The following TRIM14 variants were observed in gnomAD, a reference collection of about 807,000 sequenced individuals.
The protein encoded by TRIM14 is tripartite motif-containing protein 14.
In TRIM14, 28 loss-of-function variants were observed where a neutral mutation model predicts 44.5. The ratio of observed to expected loss-of-function variants is 0.63; its 90% CI spans 0.47 to 0.86. The LOEUF is 0.86. Among genes scored for constraint, TRIM14 ranks in the 40% least tolerant of loss-of-function variants. TRIM14 has a pLI of 0.00. For missense variants in TRIM14, 607 were observed against 611.1 expected, an observed-to-expected ratio of 0.99 and a Z score of 0.07; for synonymous variants, 299 against 269.2, an observed-to-expected ratio of 1.11 and a Z score of -1.08.
At chr9:98,038,349 G>A in the TRIM14 span, among the ~76,000 whole-genome samples, 1 of 152,062 alleles carries the variant, frequency 6.6e-6, no homozygotes, top group Non-Finnish European at 1.5e-5. Context: ...ACCAAGCCCG[G>A]CCTAATTTAT....
intron 6 of TRIM14, among the ~76,000 whole-genome samples, chr9:98,073,007 A>T (rs1280891520): frequency 2.0e-5 from 3 of 152,226 alleles, no homozygotes; most frequent in African/African-American, 7.2e-5. Context: ...TGTGGAACTC[A>T]GGTGAAACAG....
At chr9:98,080,901 T>C, downstream of TRIM14, 1 of 1,614,226 alleles carries the variant, frequency 6.2e-7, no homozygotes, top group Non-Finnish European at 8.5e-7. Flanking sequence ...GCAGTGGCTC[T>C]GGGGGCCAAG....
the TRIM14 span, among the ~76,000 whole-genome samples, chr9:98,040,720 C>T: frequency 0.045 from 6,850 of 151,560 alleles, 216 homozygotes; most frequent in South Asian, 0.089. Context: ...TGCAGTGGCG[C>T]GATCTCAGCT....
intron 2 of TRIM14, among the ~76,000 whole-genome samples, chr9:98,102,749 G>A (rs1402881553): frequency 6.6e-6 from 1 of 152,108 alleles, no homozygotes; most frequent in Non-Finnish European, 1.5e-5. Context: ...AGTTTTGGAA[G>A]TAGACACAGG....
the TRIM14 span, among the ~76,000 whole-genome samples, chr9:98,049,063 C>T: frequency 2.6e-5 from 4 of 151,118 alleles, no homozygotes; most frequent in Admixed American, 2.6e-4. Flanking sequence ...CTATTCTGGC[C>T]GGGAGCGGTG....
downstream of TRIM14, among the ~76,000 whole-genome samples, chr9:98,068,120 A>G (rs1829203569): frequency 2.6e-5 from 4 of 151,858 alleles, no homozygotes; most frequent in African/African-American, 2.4e-5. Flanking sequence ...ATCTATTTAT[A>G]TGTTTAAAAA....
chr9:98,073,471 G>A (rs1164968708), intron 6 of TRIM14, among the ~76,000 whole-genome samples: 2 of 151,194 alleles, frequency 1.3e-5, no homozygotes, highest in Non-Finnish European at 3.0e-5. Flanking sequence ...TTTTAGTAGA[G>A]GCGGGGTTTC....
At chr9:98,099,034 A>G (rs1454090936) in intron 3 of TRIM14, among the ~76,000 whole-genome samples, 1 of 152,114 alleles carries the variant, frequency 6.6e-6, no homozygotes, top group African/African-American at 2.4e-5. Context: ...GCTATTTCTT[A>G]GACTCTTCCT....
chr9:98,070,941 A>G (rs1177592138), intron 6 of TRIM14, among the ~76,000 whole-genome samples: 1 of 151,502 alleles, frequency 6.6e-6, no homozygotes, highest in Non-Finnish European at 1.5e-5. Flanking sequence ...CCTTCTTAGT[A>G]GCTGGGACTA....
In TRIM14 at chr9:98,070,482, G is replaced by A. The variant is rs181621444; in HGVS notation, c.*29-795C>T. On this transcript the variant is annotated intron_variant, in intron 6 of 6. Coordinates refer to the TRIM14 transcript ENST00000375098. Reference sequence around the variant, plus strand: ...GTTGGCCAGGCCGGAGTGCAATGGCGTGATCTTGGCTCACTGCAACTTCTG... The same window carrying A: ...GTTGGCCAGGCCGGAGTGCAATGGCATGATCTTGGCTCACTGCAACTTCTG... 4.3e-4 allele frequency among the ~76,000 whole-genome samples: 65 copies of A among 151,948 alleles called. 3 individuals are homozygous for A. Among genetic ancestry groups the A allele is most frequent in the Admixed American group, 3.7e-3 (56 of 15,238 alleles).
the TRIM14 span, among the ~76,000 whole-genome samples, chr9:98,045,643 G>A: frequency 6.6e-6 from 1 of 152,162 alleles, no homozygotes; most frequent in African/African-American, 2.4e-5. Flanking sequence ...AGGCTCCCCA[G>A]TTCATGGATT....
At chr9:98,080,992 C>T (rs754394070), downstream of TRIM14, 20 of 1,614,158 alleles carry the variant, frequency 1.2e-5, no homozygotes, top group Admixed American at 3.3e-5. Flanking sequence ...GAGAACTGGC[C>T]GAGCTGGTGC....
chr9:98,102,474 C>T (rs10985050), intron 2 of TRIM14, among the ~76,000 whole-genome samples: 8,526 of 152,208 alleles, frequency 0.056, 374 homozygotes, highest in Admixed American at 0.12. Context: ...GTCCTACATT[C>T]GTACAATGAA....
At chr9:98,081,024 G>A (rs781643145), downstream of TRIM14, 139 of 1,614,048 alleles carry the variant, frequency 8.6e-5, no homozygotes, top group Non-Finnish European at 1.1e-4. Context: ...CTTGTGGAGC[G>A]TGCCCTGGGC....
At chr9:98,070,342 T>G (rs1829285787) in intron 6 of TRIM14, among the ~76,000 whole-genome samples, 1 of 152,124 alleles carries the variant, frequency 6.6e-6, no homozygotes, top group South Asian at 2.1e-4. Flanking sequence ...GGTCTTGAAC[T>G]CCTGACCTCA....
At chr9:98,092,174 G>C (rs1826018719) in intron 4 of TRIM14, among the ~76,000 whole-genome samples, 173 bp from the exon 5 acceptor site, 1 of 152,214 alleles carries the variant, frequency 6.6e-6, no homozygotes, top group Non-Finnish European at 1.5e-5. Context: ...GACAAGGCTG[G>C]TGTGGGAGAG....
chr9:98,101,016 G>T (rs183609465), intron 2 of TRIM14, among the ~76,000 whole-genome samples: 1 of 152,108 alleles, frequency 6.6e-6, no homozygotes, highest in East Asian at 1.9e-4. Context: ...TTTCACTCTT[G>T]TCCAGGCTGA....
intron 6 of TRIM14, among the ~76,000 whole-genome samples, chr9:98,077,470 A>G (rs1829642584): frequency 6.6e-6 from 1 of 151,828 alleles, no homozygotes; most frequent in Admixed American, 6.6e-5. Context: ...TCAGCCTCCC[A>G]AAGTGTTGGG....
chr9:98,079,236 C>T lies in TRIM14; in HGVS notation c.*28+8206G>A, dbSNP rs369434861. On this transcript the variant is annotated intron_variant, in intron 6 of 6. Coordinates refer to the TRIM14 transcript ENST00000375098. ...TAGGCCTTTGTCTCTTACTGTCTCA[C>T]GCCATCTCTCTCAGTTCTTCCTGTA... Among the ~76,000 whole-genome samples, 101 of 152,306 alleles carry T rather than the reference C, an allele frequency of 6.6e-4. 1 individual carries two copies. Among genetic ancestry groups the T allele is most frequent in the African/African-American group, 2.2e-3 (92 of 41,564 alleles).
Sources: gnomAD v4.1 joint callset for allele counts (sites outside exome capture counted in the v4.1 genomes callset) on GRCh38, gnomAD v4.1.1 for gene constraint, MANE v1.5 for transcripts, NCBI Gene and HGNC (gene_info 2026-07-23, HGNC 2026-07-21) for gene names.